PUS7: variants seen among roughly 807,000 people sequenced by gnomAD.
The protein encoded by PUS7 is pseudouridine synthase 7.
PUS7 carries 48 observed loss-of-function variants against 79.8 expected under a neutral mutation model. The observed-to-expected ratio is 0.60, with a 90% CI of 0.48 to 0.76. The LOEUF (loss-of-function observed/expected upper bound fraction) is 0.76, where lower values mean the gene tolerates loss of function less well. Among genes scored for constraint, PUS7 ranks in the 30% least tolerant of loss-of-function variants. The probability of loss-of-function intolerance (pLI) is 0.00; values close to 1 mark genes in which losing one functional copy is unlikely to be tolerated. For synonymous variants in PUS7, 286 were observed against 272.2 expected (o/e 1.05, Z -0.50); for missense variants, 729 against 797.6 (o/e 0.91, Z 1.04).
chr7:105,492,730 A>G (rs1460800258), intron 6 of PUS7, among the ~76,000 whole-genome samples: 2 of 150,536 alleles, frequency 1.3e-5, no homozygotes. Context: ...GATGGTCTCG[A>G]TCTCCTGACC....
intron 14 of PUS7, among the ~76,000 whole-genome samples, chr7:105,460,105 A>C (rs1823358252): frequency 6.6e-6 from 1 of 151,876 alleles, no homozygotes. Context: ...TGCCCGGCTA[A>C]TTTTTTGTAT....
chr7:105,478,313 T>C (rs1586118524), intron 9 of PUS7, among the ~76,000 whole-genome samples: 1 of 152,220 alleles, frequency 6.6e-6, no homozygotes, highest in East Asian at 1.9e-4. Flanking sequence ...TGTGAACATA[T>C]GATTTTCAGT....
At chr7:105,490,283 A>C (rs576105153) in intron 7 of PUS7, among the ~76,000 whole-genome samples, 9 of 152,236 alleles carry the variant, frequency 5.9e-5, no homozygotes, top group African/African-American at 2.2e-4. Flanking sequence ...TACCATATTA[A>C]AGACAATGCA....
intron 1 of PUS7, among the ~76,000 whole-genome samples, chr7:105,509,444 T>C (rs1250110071): frequency 2.0e-5 from 3 of 151,944 alleles, no homozygotes; most frequent in African/African-American, 7.3e-5. Context: ...ATAATAAAGT[T>C]TTAGCTCTAA....
Position 105,457,009 on chromosome 7 carries a change from T to C in PUS7, c.*781A>G, listed in dbSNP as rs997286136. The C allele has an allele frequency of 6.6e-6, 1 of 152,120 alleles. No homozygotes were observed. The highest frequency in any genetic ancestry group is 2.4e-5 in the African/African-American group (1 of 41,402). 9.4% of individuals were successfully genotyped at this position (152,120 alleles called of 1,614,324 possible). ...AGCTAGGCGTGGTGGTGCGCGCCTG[T>C]ACTCCCAGCTACTTAGGAGGCTGAG... is the stretch of plus-strand genomic sequence containing the variant. On this transcript the variant is annotated 3_prime_UTR_variant, in exon 16 of 16. Coordinates refer to ENST00000469408, the MANE Select transcript of PUS7 (RefSeq NM_019042.5).
chr7:105,459,704 C>T (rs550816361), intron 14 of PUS7, among the ~76,000 whole-genome samples: 9 of 152,168 alleles, frequency 5.9e-5, no homozygotes, highest in African/African-American at 2.2e-4. Context: ...TCCCCAACTG[C>T]TGGGATTATA....
At chr7:105,501,969 A>T (rs12668162) in intron 5 of PUS7, among the ~76,000 whole-genome samples, 362 of 73,680 alleles carry the variant, frequency 4.9e-3, no homozygotes, top group Admixed American at 0.011. Flanking sequence ...AAAAAAAAAA[A>T]ATATATATAT....
chr7:105,459,728 T>G (rs1823335943), intron 14 of PUS7, among the ~76,000 whole-genome samples: 1 of 152,048 alleles, frequency 6.6e-6, no homozygotes, highest in South Asian at 2.1e-4. Context: ...TGAGCCACTG[T>G]GCCTGAATAT....
chr7:105,521,384 C>T (rs1183355779), intron 1 of PUS7, among the ~76,000 whole-genome samples: 1 of 152,218 alleles, frequency 6.6e-6, no homozygotes, highest in Non-Finnish European at 1.5e-5. Flanking sequence ...GCAGGGCTGA[C>T]GAGGAGGACT....
At chr7:105,483,235 T>G (rs1315036082) in intron 7 of PUS7, among the ~76,000 whole-genome samples, 3 of 151,904 alleles carry the variant, frequency 2.0e-5, no homozygotes, top group East Asian at 1.9e-4. Flanking sequence ...AGTGGCATGA[T>G]CTCAGCTCAC....
intron 1 of PUS7, among the ~76,000 whole-genome samples, chr7:105,517,085 T>C (rs1359108190): frequency 3.3e-5 from 5 of 152,112 alleles, no homozygotes; most frequent in South Asian, 2.1e-4. Context: ...TAAAACCCCA[T>C]AGACCAGAAG....
intron 7 of PUS7, among the ~76,000 whole-genome samples, chr7:105,490,542 C>T (rs77631099): frequency 4.0e-4 from 61 of 152,232 alleles, no homozygotes; most frequent in Non-Finnish European, 7.1e-4. Flanking sequence ...ATAATCCAGC[C>T]TCTATACACC....
chr7:105,496,987 G>A, intron 5 of PUS7: 1 of 1,203,668 alleles, frequency 8.3e-7, no homozygotes, highest in Non-Finnish European at 1.1e-6. Flanking sequence ...CAAATGCACA[G>A]CATAAAGAGC....
chr7:105,517,985 TA>T (rs1562826163), intron 1 of PUS7, among the ~76,000 whole-genome samples: 1 of 152,020 alleles, frequency 6.6e-6, no homozygotes, highest in Non-Finnish European at 1.5e-5. Flanking sequence ...CCATTTCTAC[TA>T]AAAATCCAAA....
intron 7 of PUS7, among the ~76,000 whole-genome samples, chr7:105,487,166 T>C (rs1824585144): frequency 6.6e-6 from 1 of 152,210 alleles, no homozygotes; most frequent in Non-Finnish European, 1.5e-5. Context: ...TTCACAACAA[T>C]GTGAAACCAT....
chr7:105,516,717 GT>G (rs35065516), intron 1 of PUS7, among the ~76,000 whole-genome samples: 50,082 of 151,890 alleles, frequency 0.33, 9,357 homozygotes, highest in African/African-American at 0.51. Context: ...ACCTCCCAAA[GT>G]TCCTGGGATT....
At chr7:105,519,417 T>C (rs1227342155) in intron 1 of PUS7, among the ~76,000 whole-genome samples, 1 of 152,070 alleles carries the variant, frequency 6.6e-6, no homozygotes, top group Non-Finnish European at 1.5e-5. Context: ...TTTTTGTATT[T>C]TTAGTAGAGA....
chr7:105,517,567 T>C (rs917492928), intron 1 of PUS7, among the ~76,000 whole-genome samples: 19 of 152,170 alleles, frequency 1.2e-4, no homozygotes, highest in African/African-American at 4.6e-4. Context: ...TAACAGTATT[T>C]TAAAACCCTT....
intron 7 of PUS7, among the ~76,000 whole-genome samples, chr7:105,485,849 G>A (rs375691807): frequency 6.6e-6 from 1 of 152,174 alleles, no homozygotes; most frequent in African/African-American, 2.4e-5. Flanking sequence ...AGGTTGGAGT[G>A]CAGTGGTGCG....
Sources: allele counts gnomAD v4.1 joint callset (sites outside exome capture counted in the v4.1 genomes callset), GRCh38; gene constraint gnomAD v4.1.1; transcripts MANE v1.5; gene names NCBI Gene and HGNC (gene_info 2026-07-23, HGNC 2026-07-21).